The following ADGB variants were observed in gnomAD, a reference collection of about 807,000 sequenced individuals.
ADGB encodes calpain-7-like protein.
ADGB carries 172 observed loss-of-function variants against 210.5 expected under a neutral mutation model. That is an observed-to-expected ratio of 0.82 (90% confidence interval 0.72 to 0.93). The LOEUF (loss-of-function observed/expected upper bound fraction) is 0.93, where lower values mean the gene tolerates loss of function less well. ADGB is among the 40% of genes least tolerant of loss of function. The pLI, the probability that ADGB is intolerant of heterozygous loss-of-function variation, is 0.00. For synonymous variants in ADGB, 658 were observed against 662.7 expected, an observed-to-expected ratio of 0.99 and a Z score of 0.11; for missense variants, 2,025 against 1,964.8, an observed-to-expected ratio of 1.03 and a Z score of -0.58.
At chr6:146,640,857 C>T (rs9390406) in intron 2 of ADGB, among the ~76,000 whole-genome samples, 44,398 of 151,802 alleles carry the variant, frequency 0.29, 7,476 homozygotes, top group Admixed American at 0.4. Context: ...CACCATAAGA[C>T]AAGGATGCCC....
chr6:146,679,181 G>A (rs1562272481), intron 9 of ADGB, among the ~76,000 whole-genome samples: 2 of 152,120 alleles, frequency 1.3e-5, no homozygotes, highest in South Asian at 2.1e-4. Context: ...GCTAAAGATC[G>A]CTCATTTCAG....
At chr6:146,672,989 C>A (rs1287814517) in intron 8 of ADGB, among the ~76,000 whole-genome samples, 1 of 152,078 alleles carries the variant, frequency 6.6e-6, no homozygotes, top group East Asian at 1.9e-4. Flanking sequence ...CCTCAGCATC[C>A]CAAAGTGTTG....
In ADGB at chr6:146,676,296, AT is replaced by A; in HGVS notation, c.1088-11del. On this transcript the variant is annotated splice_polypyrimidine_tract_variant and intron_variant, in intron 8 of 35. Transcript: ENST00000397944. Reference sequence around the variant, plus strand: ...TTGTCTAGTTAAAATATTTATTGTGATTTTTTCATATGTTAGAGAAAGCAGA... The same window carrying A: ...TTGTCTAGTTAAAATATTTATTGTGATTTTTCATATGTTAGAGAAAGCAGA... 7 of 1,531,788 alleles carry A rather than the reference AT, an allele frequency of 4.6e-6. No homozygotes were observed. The highest frequency in any genetic ancestry group is 6.1e-6 in the Non-Finnish European group (7 of 1,138,302). The allele number at this position is 1,531,788 out of a possible 1,614,324, so 94.9% of individuals were successfully genotyped here.
chr6:146,762,156 T>TTG (rs1554252141), intron 27 of ADGB, among the ~76,000 whole-genome samples: 28,944 of 151,596 alleles, frequency 0.19, 3,360 homozygotes, highest in Middle Eastern at 0.28. Flanking sequence ...CATATTTTTT[T>TTG]GGGGGGGTCA....
chr6:146,744,081 C>G (rs1414185624), intron 25 of ADGB, among the ~76,000 whole-genome samples: 1 of 152,158 alleles, frequency 6.6e-6, no homozygotes, highest in African/African-American at 2.4e-5. Flanking sequence ...AAATGTGGTT[C>G]CCAGAACTGA....
At chr6:146,614,962 A>G (rs1224824212) in intron 1 of ADGB, among the ~76,000 whole-genome samples, 1 of 152,130 alleles carries the variant, frequency 6.6e-6, no homozygotes, top group Non-Finnish European at 1.5e-5. Context: ...GTGCAGTGGC[A>G]CGATCTCGGC....
At chr6:146,811,745 C>A (rs1583651864) in intron 35 of ADGB, among the ~76,000 whole-genome samples, 1 of 152,142 alleles carries the variant, frequency 6.6e-6, no homozygotes, top group Admixed American at 6.6e-5. Flanking sequence ...GACCTCAGCT[C>A]ACTGCAACCT....
chr6:146,602,413 G>T (rs1780571541), intron 1 of ADGB, among the ~76,000 whole-genome samples: 2 of 152,002 alleles, frequency 1.3e-5, no homozygotes, highest in African/African-American at 4.8e-5. Context: ...TTAAAACCAT[G>T]GTTTAACTGA....
intron 3 of ADGB, among the ~76,000 whole-genome samples, chr6:146,646,453 A>G (rs556280103): frequency 1.3e-4 from 20 of 152,238 alleles, no homozygotes; most frequent in African/African-American, 4.6e-4. Context: ...GCCCCAAACT[A>G]AAGTCAAAAA....
intron 23 of ADGB, among the ~76,000 whole-genome samples, chr6:146,738,583 G>A (rs1777115078): frequency 6.6e-6 from 1 of 151,528 alleles, no homozygotes; most frequent in Non-Finnish European, 1.5e-5. Context: ...CCTAGTAGCT[G>A]GGACTACAGG....
At chr6:146,726,811 A>C (rs1427381407) in intron 19 of ADGB, among the ~76,000 whole-genome samples, 2 of 152,168 alleles carry the variant, frequency 1.3e-5, no homozygotes, top group African/African-American at 4.8e-5. Flanking sequence ...TTGGGGTATA[A>C]ATATCAGTGC....
chr6:146,786,629 A>G (rs1274312867), intron 32 of ADGB, among the ~76,000 whole-genome samples: 3 of 152,162 alleles, frequency 2.0e-5, no homozygotes, highest in Non-Finnish European at 2.9e-5. Flanking sequence ...AGAGATAAAG[A>G]GACCAAAGCT....
intron 3 of ADGB, among the ~76,000 whole-genome samples, chr6:146,646,202 CT>C (rs1775608554): frequency 6.6e-6 from 1 of 152,054 alleles, no homozygotes; most frequent in Non-Finnish European, 1.5e-5. Context: ...TGTATTCCCC[CT>C]TTCCTTTTTG....
chr6:146,688,574 T>C (rs1007422922), intron 10 of ADGB, among the ~76,000 whole-genome samples: 1 of 152,158 alleles, frequency 6.6e-6, no homozygotes, highest in Non-Finnish European at 1.5e-5. Flanking sequence ...AAGATTATTA[T>C]AAATCCTCCC....
intron 8 of ADGB, 113 bp downstream of exon 8, chr6:146,672,580 G>T: frequency 7.9e-7 from 1 of 1,258,310 alleles, no homozygotes; most frequent in Non-Finnish European, 1.1e-6. Flanking sequence ...CCCCAAGAGA[G>T]GGTTCTTGGA....
At chr6:146,624,214 G>A (rs1199130287) in intron 1 of ADGB, among the ~76,000 whole-genome samples, 1 of 151,680 alleles carries the variant, frequency 6.6e-6, no homozygotes, top group African/African-American at 2.4e-5. Flanking sequence ...AGTTTTCTTT[G>A]TGGAAAGATT....
At chr6:146,659,128 T>A (rs1182107136) in intron 5 of ADGB, among the ~76,000 whole-genome samples, 1 of 152,186 alleles carries the variant, frequency 6.6e-6, no homozygotes, top group Non-Finnish European at 1.5e-5. Flanking sequence ...AAATCCTATG[T>A]GGTTGGTTTT....
chr6:146,621,040 A>G (rs1780884101), intron 1 of ADGB, among the ~76,000 whole-genome samples: 1 of 152,172 alleles, frequency 6.6e-6, no homozygotes, highest in South Asian at 2.1e-4. Flanking sequence ...CTGCACTATA[A>G]CTAACATGTT....
chr6:146,640,927 A>C (rs1170424100), intron 2 of ADGB, among the ~76,000 whole-genome samples: 1 of 152,046 alleles, frequency 6.6e-6, no homozygotes, highest in African/African-American at 2.4e-5. Context: ...ATCAGGCTAG[A>C]CAAAGAAATA....
Sources: allele counts gnomAD v4.1 joint callset (sites outside exome capture counted in the v4.1 genomes callset), GRCh38; gene constraint gnomAD v4.1.1; transcripts MANE v1.5; gene names NCBI Gene and HGNC (gene_info 2026-07-23, HGNC 2026-07-21).